Variants in SPATA31H1 observed in about 807,000 individuals in gnomAD.
SPATA31H1 encodes spermatogenesis-associated protein 31H1.
chr2:27,541,263 C>T, the SPATA31H1 span, among the ~76,000 whole-genome samples: 6 of 151,868 alleles, frequency 4.0e-5, no homozygotes, highest in Admixed American at 1.3e-4. Flanking sequence ...GGCGTGGCGG[C>T]GAGCGCCTGC....
chr2:27,579,833 A>G, the SPATA31H1 span: 1 of 1,614,224 alleles, frequency 6.2e-7, no homozygotes, highest in Non-Finnish European at 8.5e-7. Flanking sequence ...AGTTGCTAGA[A>G]GATCTGCAGC....
At chr2:27,539,128 A>G in the SPATA31H1 span, among the ~76,000 whole-genome samples, 3 of 54,904 alleles carry the variant, frequency 5.5e-5, no homozygotes, top group Non-Finnish European at 6.9e-5. Flanking sequence ...TTTTTTTTTA[A>G]TTGATCATTC....
chr2:27,542,437 T>A, the SPATA31H1 span, among the ~76,000 whole-genome samples: 5 of 152,002 alleles, frequency 3.3e-5, no homozygotes, highest in African/African-American at 7.3e-5. Flanking sequence ...GTTCCTCTAT[T>A]GAAGTAGCTA....
the SPATA31H1 span, among the ~76,000 whole-genome samples, chr2:27,539,106 T>C: frequency 1.5e-4 from 10 of 67,070 alleles, no homozygotes; most frequent in South Asian, 2.2e-3. Flanking sequence ...ATTTTCTTTT[T>C]TTTTTTTTTT....
chr2:27,543,774 G>A, the SPATA31H1 span, among the ~76,000 whole-genome samples: 1 of 151,904 alleles, frequency 6.6e-6, no homozygotes, highest in Non-Finnish European at 1.5e-5. Flanking sequence ...CTGCACCTGG[G>A]CTCTTAACAC....
the SPATA31H1 span, chr2:27,576,504 T>C: frequency 3.2e-6 from 4 of 1,233,464 alleles, no homozygotes; most frequent in Non-Finnish European, 1.1e-6. Flanking sequence ...GTTGACATCA[T>C]GCTTTGGGTC....
chr2:27,577,205 A>C, the SPATA31H1 span: 2 of 1,613,880 alleles, frequency 1.2e-6, no homozygotes, highest in Non-Finnish European at 1.7e-6. The surrounding 1 kb of genome is among the most constrained non-coding windows in gnomAD (Gnocchi z 4.5). Context: ...ATCTGACTCC[A>C]ATGGTAAGGG....
chr2:27,542,769 C>G, the SPATA31H1 span, among the ~76,000 whole-genome samples: 2 of 151,998 alleles, frequency 1.3e-5, no homozygotes, highest in African/African-American at 2.4e-5. Context: ...ACTTTTCCAG[C>G]CTGGAGCACA....
chr2:27,541,950 T>C, the SPATA31H1 span, among the ~76,000 whole-genome samples: 15 of 152,012 alleles, frequency 9.9e-5, no homozygotes, highest in Non-Finnish European at 1.9e-4. Context: ...TTTTAATTTT[T>C]TTTGGTAGAG....
the SPATA31H1 span, among the ~76,000 whole-genome samples, chr2:27,539,270 G>C: frequency 8.6e-5 from 13 of 150,498 alleles, no homozygotes; most frequent in East Asian, 2.3e-3. Context: ...CCGGCCTTCC[G>C]CAGTGTTTGT....
chr2:27,577,322 G>A, the SPATA31H1 span: 7 of 1,613,934 alleles, frequency 4.3e-6, no homozygotes, highest in Non-Finnish European at 5.9e-6. The surrounding 1 kb of genome is among the most constrained non-coding windows in gnomAD (Gnocchi z 4.5). Context: ...ATGTGGGGGA[G>A]TTATATATGA....
chr2:27,561,799 A>C, the SPATA31H1 span, among the ~76,000 whole-genome samples: 1 of 152,148 alleles, frequency 6.6e-6, no homozygotes, highest in South Asian at 2.1e-4. Context: ...CCCGGGCTCA[A>C]GTGATCTTCC....
chr2:27,565,092 A>G, the SPATA31H1 span, among the ~76,000 whole-genome samples: 1 of 152,198 alleles, frequency 6.6e-6, no homozygotes, highest in Non-Finnish European at 1.5e-5. Flanking sequence ...AAACTCCAGT[A>G]CAAATGCAAC....
the SPATA31H1 span, chr2:27,580,309 C>T: frequency 1.2e-6 from 2 of 1,614,024 alleles, no homozygotes; most frequent in African/African-American, 2.7e-5. Context: ...GTAGAAAAGA[C>T]AAAAACTAGA....
At chr2:27,567,238 G>C in the SPATA31H1 span, 4 of 617,674 alleles carry the variant, frequency 6.5e-6, no homozygotes, top group Non-Finnish European at 8.8e-6. Flanking sequence ...CGACTTCCAA[G>C]GTGGGCTACA....
chr2:27,582,345 C>A, the SPATA31H1 span: 2 of 1,614,120 alleles, frequency 1.2e-6, no homozygotes, highest in East Asian at 2.2e-5. Flanking sequence ...TGGGAGGAAC[C>A]ATTGCAGTCC....
the SPATA31H1 span, chr2:27,577,225 C>A: frequency 1.2e-6 from 2 of 1,613,954 alleles, no homozygotes; most frequent in East Asian, 4.5e-5. This position sits in a 1 kb window ranked among gnomAD's most constrained non-coding sequence, Gnocchi z 4.5. Context: ...GATCAAGGCT[C>A]AAAATTCTTA....
At chr2:27,547,360 A>T in the SPATA31H1 span, among the ~76,000 whole-genome samples, 1 of 151,730 alleles carries the variant, frequency 6.6e-6, no homozygotes. Flanking sequence ...TTTTTAGTAG[A>T]GATAAGGTTT....
the SPATA31H1 span, among the ~76,000 whole-genome samples, chr2:27,558,957 GGGAGAGCT>G: frequency 2.0e-5 from 3 of 149,648 alleles, no homozygotes; most frequent in Admixed American, 1.3e-4. Flanking sequence ...GAGAGGGAGA[GGGAGAGCT>G]AAAGGGCATA....
Sources: gnomAD v4.1 joint callset for allele counts (sites outside exome capture counted in the v4.1 genomes callset) on GRCh38, gnomAD v4.1.1 for gene constraint, Gnocchi (gnomAD v3.1) non-coding constraint, MANE v1.5 for transcripts, NCBI Gene and HGNC (gene_info 2026-07-23, HGNC 2026-07-21) for gene names.